The following CYTH3 variants were observed in gnomAD, a reference collection of about 807,000 sequenced individuals.
CYTH3 encodes the protein cytohesin 3, also known as cytohesin-3.
Under a neutral mutation model 55.1 loss-of-function variants are expected in CYTH3, and 23 were observed. The ratio of observed to expected loss-of-function variants is 0.42; its 90% confidence interval spans 0.30 to 0.59. The LOEUF (loss-of-function observed/expected upper bound fraction) is 0.59. Among genes scored for constraint, CYTH3 ranks in the 20% least tolerant of loss-of-function variants. The probability of loss-of-function intolerance (pLI) is 0.20; values close to 1 mark genes in which losing one functional copy is unlikely to be tolerated. For synonymous variants in CYTH3, 249 were observed against 194.9 expected, an observed-to-expected ratio of 1.28 and a Z score of -2.31; for missense variants, 413 against 524.8, an observed-to-expected ratio of 0.79 and a Z score of 2.08.
intron 4 of CYTH3, among the ~76,000 whole-genome samples, chr7:6,186,682 C>T (rs899303199): frequency 1.3e-5 from 2 of 152,182 alleles, no homozygotes; most frequent in Admixed American, 6.5e-5. Flanking sequence ...CTGCTCCTTC[C>T]TAGTCACGTG....
chr7:6,249,938 G>A (rs1352088378), intron 1 of CYTH3, among the ~76,000 whole-genome samples: 2 of 152,030 alleles, frequency 1.3e-5, no homozygotes, highest in East Asian at 3.9e-4. Context: ...GTAGTCACAG[G>A]GCTGTACATG....
At chr7:6,239,712 A>G (rs898122466) in intron 1 of CYTH3, among the ~76,000 whole-genome samples, 2 of 152,248 alleles carry the variant, frequency 1.3e-5, no homozygotes, top group Non-Finnish European at 2.9e-5. Context: ...AATAGCTTTC[A>G]TAAATTCAAA....
chr7:6,268,267 A>G (rs985841112), intron 1 of CYTH3, among the ~76,000 whole-genome samples: 5 of 152,312 alleles, frequency 3.3e-5, no homozygotes, highest in Non-Finnish European at 5.9e-5. Context: ...TCCCAGGCTC[A>G]AGCGATTCTC....
chr7:6,267,036 T>G (rs1212285677), intron 1 of CYTH3, among the ~76,000 whole-genome samples: 1 of 152,182 alleles, frequency 6.6e-6, no homozygotes, highest in Non-Finnish European at 1.5e-5. Context: ...CTTGCAATAG[T>G]GAGTGAGGAC....
intron 1 of CYTH3, among the ~76,000 whole-genome samples, chr7:6,240,700 G>C (rs141338464): frequency 1.8e-4 from 28 of 152,252 alleles, no homozygotes; most frequent in African/African-American, 6.0e-4. Flanking sequence ...ACAATTCAAA[G>C]ATTTAAATGT....
At chr7:6,197,152 A>G (rs1371067810) in intron 1 of CYTH3, among the ~76,000 whole-genome samples, 2 of 152,196 alleles carry the variant, frequency 1.3e-5, no homozygotes, top group Non-Finnish European at 2.9e-5. Context: ...CTTGATTTTT[A>G]TCTTTCAGTA....
Position 6,207,551 on chromosome 7 carries a change from G to C in CYTH3, c.35-17020C>G, listed in dbSNP as rs541694960. The stretch of plus-strand genomic sequence containing the variant: ...AAGCCAAGGGGGTTGGATCACTTGA[G>C]ACCAGGAGTTTGAGACCAGCCTGGG... On this transcript the variant is annotated intron_variant, in intron 1 of 12. Coordinates refer to ENST00000350796, the MANE Select transcript of CYTH3 (RefSeq NM_004227.4). Among the ~76,000 whole-genome samples the C allele has an allele frequency of 8.5e-4, 129 of 152,210 alleles. 1 individual carries two copies. The highest frequency in any genetic ancestry group is 2.9e-3 in the African/African-American group (122 of 41,508).
chr7:6,170,465 G>C lies in CYTH3; in HGVS notation c.823+70C>G. The C allele has an allele frequency of 7.0e-7, 1 of 1,433,616 alleles. No individual in the cohort carries two copies. Among genetic ancestry groups the C allele is most frequent in the African/African-American group, 1.4e-5 (1 of 70,722 alleles). 88.8% of individuals were successfully genotyped at this position (1,433,616 alleles called of 1,614,324 possible). A position where few individuals can be genotyped will look rare whatever the true frequency, so the allele number is the denominator to read the frequency against. The stretch of plus-strand genomic sequence containing the variant: ...GGGGGGCATTCCTACGATGAGCCTG[G>C]GAGGAACCCGAGGGGCTGCTGCCAT... On this transcript the variant is annotated intron_variant, in intron 9 of 12. Transcript: ENST00000350796. The surrounding 1 kb of genome is among the most constrained non-coding windows in gnomAD (Gnocchi z 7.8).
chr7:6,189,665 A>G (rs1397654142), intron 2 of CYTH3, among the ~76,000 whole-genome samples: 1 of 152,040 alleles, frequency 6.6e-6, no homozygotes, highest in Non-Finnish European at 1.5e-5. Flanking sequence ...GCTGGAACCC[A>G]ATACATGCCC....
chr7:6,185,474 A>T (rs1378470837), intron 4 of CYTH3, among the ~76,000 whole-genome samples: 1 of 152,138 alleles, frequency 6.6e-6, no homozygotes, highest in East Asian at 1.9e-4. Flanking sequence ...AGGTGGGCAG[A>T]TCACAAGGTC....
Position 6,259,804 on chromosome 7 carries a change from TATATATATAATATATATATATATATA to T in CYTH3, c.34+12644_34+12669del, listed in dbSNP as rs1562417936. On this transcript the variant is annotated intron_variant, in intron 1 of 12. Coordinates refer to ENST00000350796, the MANE Select transcript of CYTH3 (RefSeq NM_004227.4). Reference sequence around the variant, plus strand: ...TATATAATATATATATATATATATATATATATATAATATATATATATATATATATTTTTTTTTTTTTTTAAGACGGA... The same window carrying T: ...TATATAATATATATATATATATATATTATTTTTTTTTTTTTTTAAGACGGA... Among the ~76,000 whole-genome samples the T allele has an allele frequency of 7.0e-3, 210 of 30,126 alleles. 1 individual carries two copies. The highest frequency in any genetic ancestry group is 0.019 in the Middle Eastern group (1 of 54). The allele number at this position is 30,126 out of a possible 152,430, so 19.8% of individuals were successfully genotyped here.
intron 4 of CYTH3, among the ~76,000 whole-genome samples, chr7:6,186,037 G>A (rs969620920): frequency 1.1e-4 from 17 of 151,808 alleles, no homozygotes; most frequent in African/African-American, 4.1e-4. Flanking sequence ...GAGGTCAGGA[G>A]ATCAAGACCA....
chr7:6,266,080 C>T (rs1181122426), intron 1 of CYTH3, among the ~76,000 whole-genome samples: 1 of 152,036 alleles, frequency 6.6e-6, no homozygotes, highest in Admixed American at 6.6e-5. Context: ...TCCTTCCCTC[C>T]ATATTTCCCA....
At chr7:6,269,955 TTAAC>T (rs1175546725) in intron 1 of CYTH3, among the ~76,000 whole-genome samples, 2 of 152,216 alleles carry the variant, frequency 1.3e-5, no homozygotes, top group South Asian at 2.1e-4. Flanking sequence ...TAAACAAGCT[TTAAC>T]TGACTCCCCC....
At chr7:6,242,151 A>G (rs1268113628) in intron 1 of CYTH3, among the ~76,000 whole-genome samples, 1 of 151,974 alleles carries the variant, frequency 6.6e-6, no homozygotes, top group African/African-American at 2.4e-5. Context: ...ATCTCGGCTC[A>G]CTGCAAGCTC....
At chr7:6,219,547 C>T (rs1001050358) in intron 1 of CYTH3, among the ~76,000 whole-genome samples, 4 of 152,168 alleles carry the variant, frequency 2.6e-5, no homozygotes, top group African/African-American at 7.2e-5. Flanking sequence ...TATCCATTCA[C>T]ACAGAAAGCT....
chr7:6,170,591 T>C lies in CYTH3; in HGVS notation c.767A>G (p.Asn256Ser). The C allele has an allele frequency of 1.2e-6, 2 of 1,613,960 alleles. No individual in the cohort carries two copies. Among genetic ancestry groups the C allele is most frequent in the Non-Finnish European group, 1.7e-6 (2 of 1,179,868 alleles). Residue 256 changes from asparagine (N) to serine (S), a missense_variant, in exon 9 of 13, where the codon AAC becomes AGC. Coordinates refer to ENST00000350796, the MANE Select transcript of CYTH3 (RefSeq NM_004227.4). This position sits in a 1 kb window ranked among gnomAD's most constrained non-coding sequence, Gnocchi z 7.8. ...GTTGAAGAAGGTGTGGGTCAGGTCG[T>C]TCCCGTCGTCCTCCGGGATCTTAAA... The part of the protein sequence containing the change: ...EPFKIPEDDG[N>S]DLTHTFFNPD...
intron 1 of CYTH3, among the ~76,000 whole-genome samples, chr7:6,265,439 GTATC>G (rs1780464104): frequency 6.6e-6 from 1 of 151,120 alleles, no homozygotes; most frequent in Admixed American, 6.6e-5. Flanking sequence ...GGTGAAACCC[GTATC>G]TATTAAAAAA....
Position 6,170,685 on chromosome 7 carries a change from G to T in CYTH3, c.712-39C>A, listed in dbSNP as rs770389015. The T allele has an allele frequency of 3.1e-6, 5 of 1,598,030 alleles. No homozygotes were observed. The highest frequency in any genetic ancestry group is 4.3e-6 in the Non-Finnish European group (5 of 1,171,070). On this transcript the variant is annotated intron_variant, in intron 8 of 12. Coordinates refer to ENST00000350796, the MANE Select transcript of CYTH3 (RefSeq NM_004227.4). This position sits in a 1 kb window ranked among gnomAD's most constrained non-coding sequence, Gnocchi z 7.8. ...AAACAGCAGCCAGTTCAGAGACTCGGAGGAAAATGGCTGGCCGGGCAGAAA... is the reference window on the plus strand; with the variant it reads ...AAACAGCAGCCAGTTCAGAGACTCGTAGGAAAATGGCTGGCCGGGCAGAAA...
Sources: gnomAD v4.1 joint callset for allele counts (sites outside exome capture counted in the v4.1 genomes callset) on GRCh38, gnomAD v4.1.1 for gene constraint, Gnocchi (gnomAD v3.1) non-coding constraint, MANE v1.5 for transcripts, NCBI Gene and HGNC (gene_info 2026-07-23, HGNC 2026-07-21) for gene names.